TOM1L2: variants seen among roughly 807,000 people sequenced by gnomAD.
TOM1L2 encodes target of myb1 like 2 membrane trafficking protein.
TOM1L2 carries 31 observed loss-of-function variants against 67.9 expected under a neutral mutation model. That is an observed-to-expected ratio of 0.46 (90% confidence interval 0.34 to 0.62). The LOEUF is 0.62. Among genes scored for constraint, TOM1L2 ranks in the 20% least tolerant of loss-of-function variants. TOM1L2 has a pLI of 0.01. For synonymous variants in TOM1L2, 256 were observed against 254.0 expected, an observed-to-expected ratio of 1.01 and a Z score of -0.07; for missense variants, 606 against 663.5, an observed-to-expected ratio of 0.91 and a Z score of 0.95.
At chr17:17,951,129 G>A (rs1353191923) in intron 1 of TOM1L2, among the ~76,000 whole-genome samples, 4 of 152,024 alleles carry the variant, frequency 2.6e-5, no homozygotes, top group African/African-American at 9.7e-5. Context: ...GAGGCTTCTG[G>A]GATGTCAATC....
At chr17:17,913,079 C>G (rs28421060) in intron 1 of TOM1L2, among the ~76,000 whole-genome samples, 4 of 151,532 alleles carry the variant, frequency 2.6e-5, no homozygotes, top group Non-Finnish European at 4.4e-5. Flanking sequence ...CGCAGGCACT[C>G]GGCAGGCTGA....
chr17:17,950,603 G>A (rs1048740243), intron 1 of TOM1L2, among the ~76,000 whole-genome samples: 4 of 152,122 alleles, frequency 2.6e-5, no homozygotes, highest in Non-Finnish European at 4.4e-5. Context: ...GAGTCTTGGC[G>A]GGGAGCCTTA....
intron 12 of TOM1L2, among the ~76,000 whole-genome samples, chr17:17,857,189 G>A (rs556488514): frequency 2.6e-3 from 397 of 152,284 alleles, no homozygotes; most frequent in African/African-American, 7.4e-3. Context: ...TCCTGACCTC[G>A]TGATCTGCCT....
chr17:17,950,920 C>G (rs568617720), intron 1 of TOM1L2, among the ~76,000 whole-genome samples: 1 of 152,190 alleles, frequency 6.6e-6, no homozygotes, highest in Non-Finnish European at 1.5e-5. Flanking sequence ...AGATCAGACA[C>G]TGCAGTTTCT....
In TOM1L2 at chr17:17,851,063, G is replaced by A. The variant is rs1163192178; in HGVS notation, c.1279-111C>T. On this transcript the variant is annotated intron_variant, in intron 12 of 14. Coordinates refer to ENST00000379504, the MANE Select transcript of TOM1L2 (RefSeq NM_001082968.2). ...CAGCAACCCCAAATAAAACCAAAAT[G>A]TACACAGAGCAAAAAAACACAATTG... 20 of 1,211,890 alleles carry A rather than the reference G, an allele frequency of 1.7e-5. No homozygotes were observed. In the Middle Eastern group the frequency reaches 5.6e-4, roughly 34 times the overall value. 75.1% of individuals were successfully genotyped at this position (1,211,890 alleles called of 1,614,324 possible).
At chr17:17,850,982 A>G (rs2035942369) in intron 12 of TOM1L2, 30 bp from the exon 13 acceptor site, 1 of 1,612,826 alleles carries the variant, frequency 6.2e-7, no homozygotes, top group Admixed American at 1.7e-5. Flanking sequence ...CGGGCCAGGC[A>G]GCCCCCACAC....
chr17:17,923,855 A>C (rs2039979811), intron 1 of TOM1L2, among the ~76,000 whole-genome samples: 1 of 151,914 alleles, frequency 6.6e-6, no homozygotes, highest in Non-Finnish European at 1.5e-5. Context: ...AGAAAAAAAA[A>C]GGCCGGGCGC....
At chr17:17,927,862 A>C (rs7214844) in intron 1 of TOM1L2, among the ~76,000 whole-genome samples, 2,729 of 152,160 alleles carry the variant, frequency 0.018, 98 homozygotes, top group African/African-American at 0.063. Context: ...CCAGGGTTTC[A>C]CTATGTTACC....
chr17:17,860,359 A>T (rs1027416356), intron 12 of TOM1L2, among the ~76,000 whole-genome samples: 1 of 152,238 alleles, frequency 6.6e-6, no homozygotes, highest in Non-Finnish European at 1.5e-5. Flanking sequence ...CACGGCACTG[A>T]GGACCCAAGG....
rs1295985042 is a variant in TOM1L2 at position 17,845,512 on chromosome 17, G to A, written c.*2123C>T. 8 of 152,304 alleles carry A rather than the reference G, an allele frequency of 5.3e-5. No individual in the cohort carries two copies. 9.4% of individuals were successfully genotyped at this position (152,304 alleles called of 1,614,324 possible). On this transcript the variant is annotated 3_prime_UTR_variant, in exon 15 of 15. Coordinates refer to ENST00000379504, the MANE Select transcript of TOM1L2 (RefSeq NM_001082968.2). Reference sequence around the variant, plus strand: ...GACTTTTTGGGACTCCTGGTTCCATGAGGCAGGGAGGCTGGCTCTTCCCTC... The same window carrying A: ...GACTTTTTGGGACTCCTGGTTCCATAAGGCAGGGAGGCTGGCTCTTCCCTC...
intron 1 of TOM1L2, among the ~76,000 whole-genome samples, chr17:17,922,980 CA>C (rs954719636): frequency 6.6e-6 from 1 of 152,140 alleles, no homozygotes; most frequent in African/African-American, 2.4e-5. Context: ...TGAGGCCAAC[CA>C]GGGACCGCAG....
chr17:17,879,139 G>C lies in TOM1L2; in HGVS notation c.777+488C>G, dbSNP rs187898776. Among the ~76,000 whole-genome samples the C allele has an allele frequency of 8.5e-5, 13 of 152,314 alleles. No individual in the cohort carries two copies. In the East Asian group the frequency reaches 2.3e-3, roughly 27 times the overall value. On this transcript the variant is annotated intron_variant, in intron 7 of 14. Transcript: ENST00000379504. ...TTCATCTCAGTCTCAGGACACCTTG[G>C]GGGTGAGGTGCCACTACAAGGGCTC...
At chr17:17,874,603 T>TA (rs1316503392) in intron 7 of TOM1L2, among the ~76,000 whole-genome samples, 5 of 152,290 alleles carry the variant, frequency 3.3e-5, no homozygotes, top group African/African-American at 1.2e-4. Flanking sequence ...TGGAAAGTGT[T>TA]AGATGATTTC....
At chr17:17,918,643 AT>A (rs2039730290) in intron 1 of TOM1L2, among the ~76,000 whole-genome samples, 1 of 152,168 alleles carries the variant, frequency 6.6e-6, no homozygotes, top group African/African-American at 2.4e-5. Flanking sequence ...ATCTGCCCAT[AT>A]CTAGCTCCCA....
chr17:17,853,829 G>A (rs2036124030), intron 12 of TOM1L2, among the ~76,000 whole-genome samples: 1 of 152,240 alleles, frequency 6.6e-6, no homozygotes, highest in Non-Finnish European at 1.5e-5. Flanking sequence ...AGAGGCAGGA[G>A]CAGGGGACAG....
Position 17,885,344 on chromosome 17 carries a change from G to A in TOM1L2, c.367-576C>T, listed in dbSNP as rs143228017. Reference sequence around the variant, plus strand: ...CTTGTCTAGCCTAGCTCTGTCTAGCGCTGCTGCCAGTAGGTGAGATGACTG... The same window carrying A: ...CTTGTCTAGCCTAGCTCTGTCTAGCACTGCTGCCAGTAGGTGAGATGACTG... On this transcript the variant is annotated intron_variant, in intron 4 of 14. Transcript: ENST00000379504. 5.7e-3 allele frequency among the ~76,000 whole-genome samples: 864 copies of A among 152,326 alleles called. 8 individuals carry two copies. The highest frequency in any genetic ancestry group is 0.02 in the Middle Eastern group (6 of 294).
chr17:17,847,158 G>C lies in TOM1L2; in HGVS notation c.*477C>G, dbSNP rs2035686470. The C allele has an allele frequency of 5.5e-6, 1 of 181,164 alleles. No individual in the cohort carries two copies. Among genetic ancestry groups the C allele is most frequent in the Admixed American group, 5.3e-5 (1 of 18,740 alleles). The allele number at this position is 181,164 out of a possible 1,614,324, so 11.2% of individuals were successfully genotyped here. ...CCAAGGAGTGAGACCAGGCCCATGA[G>C]TGCAGCACACCCTGCTCTTCCAGAG... On this transcript the variant is annotated 3_prime_UTR_variant, in exon 15 of 15. Transcript: ENST00000379504.
At chr17:17,851,894 C>T (rs2035999386) in intron 12 of TOM1L2, among the ~76,000 whole-genome samples, 1 of 152,148 alleles carries the variant, frequency 6.6e-6, no homozygotes, top group Non-Finnish European at 1.5e-5. Context: ...CCAAGCACCT[C>T]AGGGACAGAG....
chr17:17,914,963 A>T (rs1465455124), intron 1 of TOM1L2, among the ~76,000 whole-genome samples: 1 of 152,236 alleles, frequency 6.6e-6, no homozygotes, highest in Non-Finnish European at 1.5e-5. Context: ...TGTTTTGAGC[A>T]ACAGCTATAT....
Sources: gnomAD v4.1 joint callset for allele counts (sites outside exome capture counted in the v4.1 genomes callset) on GRCh38, gnomAD v4.1.1 for gene constraint, MANE v1.5 for transcripts, NCBI Gene and HGNC (gene_info 2026-07-23, HGNC 2026-07-21) for gene names.